The following IKZF1 variants were observed in gnomAD, a reference collection of about 807,000 sequenced individuals.
IKZF1 encodes DNA-binding protein Ikaros.
In IKZF1, 10 loss-of-function variants were observed where a neutral mutation model predicts 51.7. That is an observed-to-expected ratio of 0.19 (90% CI 0.12 to 0.33). The LOEUF (loss-of-function observed/expected upper bound fraction) is 0.33, where lower values mean the gene tolerates loss of function less well. IKZF1 is among the 10% of genes least tolerant of loss of function. IKZF1 has a pLI of 1.00. For missense variants in IKZF1, 484 were observed against 707.5 expected (o/e 0.68, Z 3.58); for synonymous variants, 280 against 282.3 (o/e 0.99, Z 0.08).
At chr7:50,341,843 T>C (rs982046690) in intron 3 of IKZF1, among the ~76,000 whole-genome samples, 1 of 152,204 alleles carries the variant, frequency 6.6e-6, no homozygotes, top group Non-Finnish European at 1.5e-5. Flanking sequence ...ATTTTTTTTT[T>C]ATCTTCACCA....
intron 2 of IKZF1, among the ~76,000 whole-genome samples, chr7:50,325,727 A>T (rs142423625): frequency 0.032 from 4,807 of 152,042 alleles, 118 homozygotes; most frequent in Non-Finnish European, 0.049. Flanking sequence ...GTGAGCCAAG[A>T]TCGCGCCACT....
At chr7:50,343,312 A>G (rs113738164) in intron 3 of IKZF1, among the ~76,000 whole-genome samples, 3 of 146,800 alleles carry the variant, frequency 2.0e-5, no homozygotes, top group East Asian at 4.1e-4. Flanking sequence ...TCCTTTTAAC[A>G]TTTGATCATG....
intron 6 of IKZF1, among the ~76,000 whole-genome samples, chr7:50,390,396 G>T (rs1249676142): frequency 2.0e-5 from 3 of 152,192 alleles, no homozygotes; most frequent in African/African-American, 4.8e-5. Context: ...ATAAATCAGG[G>T]TGTGGCCTAT....
chr7:50,316,594 T>TA (rs1308638058), intron 1 of IKZF1, among the ~76,000 whole-genome samples: 3 of 152,232 alleles, frequency 2.0e-5, no homozygotes, highest in Non-Finnish European at 2.9e-5. Context: ...GTGCGGGGAC[T>TA]GTTTGCAAAT....
chr7:50,399,946 C>T lies in IKZF1; in HGVS notation c.879C>T (p.Tyr293=), dbSNP rs1449573722. The change falls in exon 8 of 8, where the codon TAC becomes TAT. Residue 293 remains tyrosine (Y), a synonymous_variant. Transcript: ENST00000331340. ...LGDKGLSDTP[Y]DSSASYEKEN... ...ACAAGGGCCTGTCCGACACGCCCTA[C>T]GACAGCAGCGCCAGCTACGAGAAGG... The T allele has an allele frequency of 1.2e-6, 2 of 1,613,232 alleles. No individual in the cohort carries two copies. Among genetic ancestry groups the T allele is most frequent in the Non-Finnish European group, 1.7e-6 (2 of 1,179,748 alleles).
intron 3 of IKZF1, among the ~76,000 whole-genome samples, chr7:50,353,234 T>A (rs1207932093): frequency 6.6e-6 from 1 of 152,224 alleles, no homozygotes. Flanking sequence ...TGCAGCTCCA[T>A]GTTTCCAAAG....
Position 50,391,710 on chromosome 7 carries a change from T to C in IKZF1, c.716-19T>C, listed in dbSNP as rs1260098907. 1.2e-6 allele frequency: 2 copies of C among 1,612,856 alleles called. No homozygotes were observed. The highest frequency in any genetic ancestry group is 1.7e-6 in the Non-Finnish European group (2 of 1,179,674). ...AAACATAAGCCTTTCTAAACTGGCC[T>C]CTCTGTCTTTGACTTTAGTCATTAA... On this transcript the variant is annotated intron_variant, in intron 6 of 7. Coordinates refer to ENST00000331340, the MANE Select transcript of IKZF1 (RefSeq NM_006060.6).
At chr7:50,347,748 C>T (rs367824713) in intron 3 of IKZF1, among the ~76,000 whole-genome samples, 167 of 152,262 alleles carry the variant, frequency 1.1e-3, no homozygotes, top group Middle Eastern at 3.4e-3. Flanking sequence ...ATGTTTGACG[C>T]GTGTCACATG....
At chr7:50,329,155 A>T (rs1795853382) in intron 3 of IKZF1, among the ~76,000 whole-genome samples, 1 of 151,794 alleles carries the variant, frequency 6.6e-6, no homozygotes, top group Admixed American at 6.6e-5. Context: ...TGGACTAGGT[A>T]TAATGGTTCT....
At chr7:50,384,710 T>C (rs1319230065) in intron 5 of IKZF1, among the ~76,000 whole-genome samples, 1 of 152,282 alleles carries the variant, frequency 6.6e-6, no homozygotes, top group East Asian at 1.9e-4. Context: ...GCAGTCTGTC[T>C]GCCATGCTAA....
chr7:50,398,922 GTCT>G (rs1373568555), intron 7 of IKZF1, among the ~76,000 whole-genome samples: 1 of 152,188 alleles, frequency 6.6e-6, no homozygotes, highest in Non-Finnish European at 1.5e-5. Context: ...GAGAAGGTGT[GTCT>G]TCAAGAAAAT....
At chr7:50,324,693 C>T (rs1298116098) in intron 2 of IKZF1, among the ~76,000 whole-genome samples, 3 of 152,160 alleles carry the variant, frequency 2.0e-5, no homozygotes, top group South Asian at 4.1e-4. Context: ...AAGAAGCGTA[C>T]CTGTTATTAT....
At chr7:50,319,584 A>G (rs114482836) in intron 2 of IKZF1, among the ~76,000 whole-genome samples, 1 of 152,308 alleles carries the variant, frequency 6.6e-6, no homozygotes, top group Non-Finnish European at 1.5e-5. Context: ...CAGGAAGTGG[A>G]GAAGTCTGTA....
chr7:50,338,509 GA>G (rs1418843561), intron 3 of IKZF1, among the ~76,000 whole-genome samples: 6 of 152,036 alleles, frequency 3.9e-5, no homozygotes, highest in Admixed American at 3.9e-4. Flanking sequence ...AAGAAATGGG[GA>G]AAAAAAGGCT....
At chr7:50,362,386 T>G (rs1305642755) in intron 3 of IKZF1, among the ~76,000 whole-genome samples, 2 of 152,236 alleles carry the variant, frequency 1.3e-5, no homozygotes, top group Admixed American at 1.3e-4. Flanking sequence ...GACTCACGGT[T>G]TGCAGGCACT....
At chr7:50,341,976 G>GAAA (rs1303120762) in intron 3 of IKZF1, among the ~76,000 whole-genome samples, 1 of 141,986 alleles carries the variant, frequency 7.0e-6, no homozygotes, top group East Asian at 2.0e-4. Flanking sequence ...TTATATTGTG[G>GAAA]AAAAAAAAAA....
chr7:50,386,033 T>G (rs1442436261), intron 5 of IKZF1, among the ~76,000 whole-genome samples: 2 of 152,224 alleles, frequency 1.3e-5, no homozygotes, highest in East Asian at 3.8e-4. Context: ...TGGATGCTCT[T>G]AACTTTTATA....
At position 50,402,307 on chromosome 7, in the gene IKZF1, G is replaced by T. The variant is rs1407044614; in HGVS notation, c.*1680G>T. 1 of 230,458 alleles carries T rather than the reference G, an allele frequency of 4.3e-6. No individual in the cohort carries two copies. The highest frequency in any genetic ancestry group is 8.6e-6 in the Non-Finnish European group (1 of 116,328). 14.3% of individuals were successfully genotyped at this position (230,458 alleles called of 1,614,324 possible). A position where few individuals can be genotyped will look rare whatever the true frequency, so the allele number is the denominator to read the frequency against. Reference sequence around the variant, plus strand: ...GTACCTCAGCATTTAATCCAAACAGGGGTTCTTAGTCTCAGCACTATGACA... The same window carrying T: ...GTACCTCAGCATTTAATCCAAACAGTGGTTCTTAGTCTCAGCACTATGACA... On this transcript the variant is annotated 3_prime_UTR_variant, in exon 8 of 8. Transcript: ENST00000331340.
intron 3 of IKZF1, among the ~76,000 whole-genome samples, chr7:50,370,795 T>A (rs914609463): frequency 2.0e-5 from 3 of 152,242 alleles, no homozygotes; most frequent in Non-Finnish European, 4.4e-5. Context: ...ATTTAATCAG[T>A]TCAATTCAGC....
Sources: allele counts gnomAD v4.1 joint callset (sites outside exome capture counted in the v4.1 genomes callset), GRCh38; gene constraint gnomAD v4.1.1; transcripts MANE v1.5; gene names NCBI Gene and HGNC (gene_info 2026-07-23, HGNC 2026-07-21).